The following CDH4 variants were observed in gnomAD, a reference collection of about 807,000 sequenced individuals.
CDH4 encodes the protein cadherin 4, also known as cadherin-4.
A neutral mutation model predicts 86.0 loss-of-function variants in CDH4; 33 were observed. That is an observed-to-expected ratio of 0.38 (90% CI 0.29 to 0.51). The LOEUF (loss-of-function observed/expected upper bound fraction) is 0.51, where lower values mean the gene tolerates loss of function less well. Ranked by LOEUF, CDH4 falls within the 20% of genes least tolerant of loss-of-function variation. The pLI is 0.86. For synonymous variants in CDH4, 555 were observed against 549.4 expected, an observed-to-expected ratio of 1.01 and a Z score of -0.14; for missense variants, 1,114 against 1,307.4, an observed-to-expected ratio of 0.85 and a Z score of 2.28.
At chr20:61,375,547 TTGGTGGTGG>T in intron 2 of CDH4, among the ~76,000 whole-genome samples, 1 of 147,504 alleles carries the variant, frequency 6.8e-6, no homozygotes, top group African/African-American at 2.6e-5. Context: ...TGTGATGGTC[TTGGTGGTGG>T]TGATGATGGT....
chr20:61,279,925 A>G (rs1158775519), intron 2 of CDH4, among the ~76,000 whole-genome samples: 1 of 152,180 alleles, frequency 6.6e-6, no homozygotes, highest in Admixed American at 6.5e-5. Flanking sequence ...GAAAGGGGAC[A>G]TCTTCACCAG....
intron 2 of CDH4, among the ~76,000 whole-genome samples, chr20:61,604,432 T>C (rs1308885905): frequency 2.0e-5 from 3 of 152,200 alleles, no homozygotes; most frequent in Admixed American, 6.5e-5. Context: ...AATGGGAACA[T>C]ACCTGGCAGT....
At chr20:61,558,925 G>T (rs980062604) in intron 2 of CDH4, among the ~76,000 whole-genome samples, 1 of 152,208 alleles carries the variant, frequency 6.6e-6, no homozygotes, top group African/African-American at 2.4e-5. Flanking sequence ...CCAGCCTTGC[G>T]ATCCCTCACT....
intron 2 of CDH4, among the ~76,000 whole-genome samples, chr20:61,260,853 G>T (rs977935442): frequency 6.6e-6 from 1 of 152,208 alleles, no homozygotes; most frequent in East Asian, 1.9e-4. Flanking sequence ...GTTCAGAAAG[G>T]GAAGTATATA....
In CDH4 at chr20:61,934,166, C is replaced by T. The variant is rs1458609066; in HGVS notation, c.2490C>T (p.Tyr830=). The T allele has an allele frequency of 1.8e-5, 29 of 1,605,718 alleles. No individual in the cohort carries two copies. The highest frequency in any genetic ancestry group is 1.9e-5 in the Non-Finnish European group (22 of 1,175,330). The stretch of plus-strand genomic sequence containing the variant: ...GGCCGGTGGGCGCTGAGCCCCAGTA[C>T]CCGATCAGGCCCATGGTGCCGCACC... ...DERPVGAEPQ[Y]PIRPMVPHPG... The change falls in exon 15 of 16, where the codon TAC becomes TAT. Residue 830 remains tyrosine, a synonymous_variant. Transcript: ENST00000614565.
At chr20:61,913,436 C>T (rs1255022763) in intron 9 of CDH4, among the ~76,000 whole-genome samples, 3 of 152,240 alleles carry the variant, frequency 2.0e-5, no homozygotes, top group Non-Finnish European at 4.4e-5. Context: ...TTCAGGGAAG[C>T]GCCAGTGTCT....
At chr20:61,360,757 CTG>C (rs1264803978) in intron 2 of CDH4, among the ~76,000 whole-genome samples, 9 of 152,094 alleles carry the variant, frequency 5.9e-5, no homozygotes, top group Non-Finnish European at 1.3e-4. Flanking sequence ...GAAAAGAAAA[CTG>C]TAAAGAATCT....
At chr20:61,833,993 G>C (rs538526964) in intron 4 of CDH4, among the ~76,000 whole-genome samples, 6 of 152,342 alleles carry the variant, frequency 3.9e-5, no homozygotes, top group Admixed American at 3.9e-4. Flanking sequence ...TTGGCCCAGC[G>C]TGGGTCACAT....
chr20:61,920,006 C>G (rs74719713), intron 9 of CDH4, among the ~76,000 whole-genome samples: 2 of 84,498 alleles, frequency 2.4e-5, no homozygotes, highest in African/African-American at 9.1e-5. Flanking sequence ...AGTGTGGTGT[C>G]ACAGTGATTG....
intron 2 of CDH4, among the ~76,000 whole-genome samples, chr20:61,658,765 C>T (rs1273056717): frequency 1.3e-5 from 2 of 152,024 alleles, no homozygotes; most frequent in South Asian, 2.1e-4. Flanking sequence ...GGAAATACCA[C>T]CCCCCCACTC....
At position 61,516,144 on chromosome 20, in the gene CDH4, A is replaced by T. The variant is rs531114465; in HGVS notation, c.170-227419A>T. 1.3e-5 allele frequency among the ~76,000 whole-genome samples: 2 copies of T among 152,314 alleles called. No individual in the cohort carries two copies. The highest frequency in any genetic ancestry group is 1.9e-4 in the East Asian group (1 of 5,182). Reference sequence around the variant, plus strand: ...GGGGCAGCACAGGACTTAATTCTGCAGCCAGGCCCTTGGGCCGTGGGCCGG... The same window carrying T: ...GGGGCAGCACAGGACTTAATTCTGCTGCCAGGCCCTTGGGCCGTGGGCCGG... On this transcript the variant is annotated intron_variant, in intron 2 of 15. Transcript: ENST00000614565. This position sits in a 1 kb window ranked among gnomAD's most constrained non-coding sequence, Gnocchi z 4.0.
At chr20:61,740,461 G>A (rs1472102270) in intron 2 of CDH4, 1 of 152,206 alleles carries the variant, frequency 6.6e-6, no homozygotes, top group African/African-American at 2.4e-5. Context: ...TGGCGTCTCA[G>A]AAGACTTGCC....
chr20:61,523,312 C>G (rs558602549), intron 2 of CDH4, among the ~76,000 whole-genome samples: 1 of 152,254 alleles, frequency 6.6e-6, no homozygotes, highest in South Asian at 2.1e-4. Context: ...AGCGGGCCCA[C>G]GCTGGTCTCT....
At position 61,743,590 on chromosome 20, in the gene CDH4, A is replaced by G; in HGVS notation, c.197A>G (p.Lys66Arg). ...AAGTTCAGCAGCTGTGTGGGGACCA[A>G]GGGGACACAATATGAGACCAACAGC... ...QVKFSSCVGT[K>R]GTQYETNSMD... Residue 66 changes from lysine (K) to arginine (R), a missense_variant, in exon 3 of 16, where the codon AAG (lysine) becomes AGG (arginine). Around this residue, in one of 3 missense-constraint regions of CDH4, gnomAD observed 221 missense variants for 209.5 expected, o/e 1.05. Transcript: ENST00000614565. The G allele has an allele frequency of 6.4e-7, 1 of 1,573,274 alleles. No homozygotes were observed. The highest frequency in any genetic ancestry group is 8.6e-7 in the Non-Finnish European group (1 of 1,158,062).
chr20:61,898,653 G>A (rs993399012), intron 8 of CDH4, among the ~76,000 whole-genome samples: 1 of 152,160 alleles, frequency 6.6e-6, no homozygotes, highest in Non-Finnish European at 1.5e-5. Context: ...GCCCAGCCCT[G>A]GCCCCACCCT....
chr20:61,485,967 T>C (rs2085594253), intron 2 of CDH4, among the ~76,000 whole-genome samples: 3 of 152,234 alleles, frequency 2.0e-5, no homozygotes, highest in Admixed American at 1.3e-4. Context: ...ACCAACAATC[T>C]GATGAGTGCA....
At chr20:61,292,689 C>T (rs1018457154) in intron 2 of CDH4, among the ~76,000 whole-genome samples, 13 of 152,254 alleles carry the variant, frequency 8.5e-5, no homozygotes, top group Admixed American at 2.6e-4. Flanking sequence ...AGACGCACAG[C>T]GCACTCACGC....
chr20:61,565,257 A>ATGGGGTGG (rs1412166243), intron 2 of CDH4, among the ~76,000 whole-genome samples: 1 of 14,892 alleles, frequency 6.7e-5, no homozygotes, highest in Non-Finnish European at 1.1e-4. Flanking sequence ...GCTCTTGGTG[A>ATGGGGTGG]TGGTGGTGGT....
intron 2 of CDH4, among the ~76,000 whole-genome samples, chr20:61,649,199 C>A (rs566344450): frequency 1.3e-5 from 2 of 152,284 alleles, no homozygotes; most frequent in African/African-American, 4.8e-5. Context: ...CTGCCAGATT[C>A]CAACTACATC....
Sources: allele counts gnomAD v4.1 joint callset (sites outside exome capture counted in the v4.1 genomes callset), GRCh38; gene constraint gnomAD v4.1.1; regional missense constraint gnomAD v4.1.1; non-coding constraint Gnocchi (gnomAD v3.1); transcripts MANE v1.5; gene names NCBI Gene and HGNC (gene_info 2026-07-23, HGNC 2026-07-21).